Variants in CNTN1 observed in about 807,000 individuals in gnomAD.
CNTN1 encodes the protein contactin-1.
CNTN1 carries 38 observed loss-of-function variants against 126.4 expected under a neutral mutation model. That is an observed-to-expected ratio of 0.30 (90% CI 0.23 to 0.39). The LOEUF (loss-of-function observed/expected upper bound fraction) is 0.39. CNTN1 is among the 10% of genes least tolerant of loss of function. The pLI is 1.00. For missense variants in CNTN1, 1,009 were observed against 1,248.4 expected (o/e 0.81, Z 2.89); for synonymous variants, 413 against 422.6 (o/e 0.98, Z 0.28).
intron 16 of CNTN1, among the ~76,000 whole-genome samples, chr12:40,988,723 A>G (rs747962188): frequency 6.6e-6 from 1 of 152,186 alleles, no homozygotes; most frequent in Non-Finnish European, 1.5e-5. Flanking sequence ...CTAAGTACTA[A>G]AGTAAGAACT....
At chr12:41,034,666 A>C (rs1949217600) in intron 23 of CNTN1, among the ~76,000 whole-genome samples, 1 of 152,214 alleles carries the variant, frequency 6.6e-6, no homozygotes, top group African/African-American at 2.4e-5. Flanking sequence ...TCAAGTATAT[A>C]AATCTAGCCT....
chr12:40,961,031 G>T (rs1947090479), intron 15 of CNTN1, among the ~76,000 whole-genome samples: 1 of 151,972 alleles, frequency 6.6e-6, no homozygotes, highest in Admixed American at 6.6e-5. Context: ...TGAAATGCAA[G>T]GGTAGTCATG....
At chr12:40,749,123 A>G (rs1938294718) in intron 1 of CNTN1, among the ~76,000 whole-genome samples, 1 of 152,080 alleles carries the variant, frequency 6.6e-6, no homozygotes, top group South Asian at 2.1e-4. Flanking sequence ...CCAATACTTT[A>G]TTATCTCCCT....
At chr12:40,739,448 T>A (rs1937840631) in intron 1 of CNTN1, among the ~76,000 whole-genome samples, 1 of 152,080 alleles carries the variant, frequency 6.6e-6, no homozygotes, top group South Asian at 2.1e-4. Context: ...TCAGGATATT[T>A]CTAGACCTCA....
intron 3 of CNTN1, among the ~76,000 whole-genome samples, chr12:40,911,420 G>C (rs4768322): frequency 0.066 from 10,031 of 152,202 alleles, 547 homozygotes; most frequent in Admixed American, 0.16. Flanking sequence ...AAAGAAAAAT[G>C]GGGAAGAAGC....
intron 23 of CNTN1, chr12:41,062,018 G>A (rs983526095): frequency 5.2e-6 from 1 of 192,250 alleles, no homozygotes; most frequent in African/African-American, 2.4e-5. Flanking sequence ...TCATAAAATA[G>A]ATATTTTAGG....
At chr12:40,916,833 A>G (rs1348663232) in intron 3 of CNTN1, among the ~76,000 whole-genome samples, 2 of 152,034 alleles carry the variant, frequency 1.3e-5, no homozygotes, top group Non-Finnish European at 2.9e-5. Flanking sequence ...GACAATAACT[A>G]GAAAAGTTCA....
At chr12:40,790,296 C>T (rs1054542269) in intron 1 of CNTN1, among the ~76,000 whole-genome samples, 7 of 152,068 alleles carry the variant, frequency 4.6e-5, no homozygotes, top group Admixed American at 1.3e-4. Context: ...GGAATCTCCC[C>T]GACAACTTCC....
chr12:40,848,477 A>C (rs908489371), intron 1 of CNTN1, among the ~76,000 whole-genome samples: 11 of 152,162 alleles, frequency 7.2e-5, no homozygotes, highest in Non-Finnish European at 1.2e-4. Flanking sequence ...ATAATGAAAA[A>C]TTAAGTAGGT....
At chr12:40,901,765 G>T (rs11178962) in intron 1 of CNTN1, among the ~76,000 whole-genome samples, 1 of 152,102 alleles carries the variant, frequency 6.6e-6, no homozygotes, top group African/African-American at 2.4e-5. Context: ...AGAAAAGGGG[G>T]TATTCTCCTT....
chr12:41,010,881 G>A (rs1322924416), intron 17 of CNTN1, among the ~76,000 whole-genome samples: 1 of 151,440 alleles, frequency 6.6e-6, no homozygotes, highest in African/African-American at 2.4e-5. Context: ...TTTTTTAGAG[G>A]AACTGCTTCC....
chr12:40,870,895 A>G (rs1271423577), intron 1 of CNTN1, among the ~76,000 whole-genome samples: 1 of 152,176 alleles, frequency 6.6e-6, no homozygotes, highest in Admixed American at 6.6e-5. Flanking sequence ...AGATGTTTCC[A>G]TCTTGTGTTA....
chr12:40,825,471 C>G (rs904995877), intron 1 of CNTN1, among the ~76,000 whole-genome samples: 1 of 152,212 alleles, frequency 6.6e-6, no homozygotes, highest in African/African-American at 2.4e-5. Flanking sequence ...GAGTTCACTC[C>G]TTATTTTACA....
chr12:40,740,787 G>A (rs1348416095), intron 1 of CNTN1, among the ~76,000 whole-genome samples: 2 of 152,048 alleles, frequency 1.3e-5, no homozygotes, highest in South Asian at 2.1e-4. Context: ...TACTGAATAA[G>A]TCTCACAAGA....
chr12:40,785,254 C>T (rs893933721), intron 1 of CNTN1, among the ~76,000 whole-genome samples: 1 of 152,104 alleles, frequency 6.6e-6, no homozygotes, highest in Non-Finnish European at 1.5e-5. Context: ...GTTTAATTGG[C>T]CCATGGTTCT....
chr12:40,868,104 T>C (rs1431917957), intron 1 of CNTN1, among the ~76,000 whole-genome samples: 1 of 152,046 alleles, frequency 6.6e-6, no homozygotes, highest in East Asian at 1.9e-4. Context: ...TTTTAGATTT[T>C]ATTATTTCTT....
At chr12:40,766,350 C>A (rs1475750675) in intron 1 of CNTN1, among the ~76,000 whole-genome samples, 2 of 92,552 alleles carry the variant, frequency 2.2e-5, no homozygotes, top group Non-Finnish European at 2.4e-5. Flanking sequence ...GAATGAAACT[C>A]CGTCTTAAAA....
chr12:41,049,392 C>A (rs1949622372), intron 23 of CNTN1, among the ~76,000 whole-genome samples: 1 of 152,200 alleles, frequency 6.6e-6, no homozygotes, highest in South Asian at 2.1e-4. Flanking sequence ...GCTTTTTCTG[C>A]AGTTTTACCC....
intron 18 of CNTN1, among the ~76,000 whole-genome samples, chr12:41,014,780 C>T (rs758926835): frequency 2.6e-4 from 40 of 151,914 alleles, no homozygotes; most frequent in Non-Finnish European, 4.3e-4. Flanking sequence ...CTGAGGTATC[C>T]AAAGCATTTT....
Sources: allele counts gnomAD v4.1 joint callset (sites outside exome capture counted in the v4.1 genomes callset), GRCh38; gene constraint gnomAD v4.1.1; transcripts MANE v1.5; gene names NCBI Gene and HGNC (gene_info 2026-07-23, HGNC 2026-07-21).